The following SPTAN1 variants were observed in gnomAD, a reference collection of about 807,000 sequenced individuals.
SPTAN1 encodes the protein spectrin alpha chain, non-erythrocytic 1.
In SPTAN1, 61 loss-of-function variants were observed where a neutral mutation model predicts 331.3. The ratio of observed to expected loss-of-function variants is 0.18; its 90% CI spans 0.15 to 0.23. The LOEUF (loss-of-function observed/expected upper bound fraction) is 0.23, where lower values mean the gene tolerates loss of function less well. Among genes scored for constraint, SPTAN1 ranks in the 10% least tolerant of loss-of-function variants. The probability of loss-of-function intolerance (pLI) is 1.00; values close to 1 mark genes in which losing one functional copy is unlikely to be tolerated. For missense variants in SPTAN1, 2,043 were observed against 3,147.9 expected, an observed-to-expected ratio of 0.65 and a Z score of 8.40; for synonymous variants, 1,153 against 1,173.9, an observed-to-expected ratio of 0.98 and a Z score of 0.36.
chr9:128,624,840 G>A (rs962129553), intron 46 of SPTAN1: 89 of 579,862 alleles, frequency 1.5e-4, no homozygotes, highest in Non-Finnish European at 2.5e-4. Flanking sequence ...GGAAAACTGG[G>A]TCCGGATATC....
At position 128,559,787 on chromosome 9, in the gene SPTAN1, T is replaced by C. The variant is rs568586720; in HGVS notation, c.-3-6951T>C. ...TGCTTTTTCGTCGCCCAGGCTAGAG[T>C]GCAGTGGTGCGATCTTGGCTCACTG... On this transcript the variant is annotated intron_variant, in intron 1 of 56. Coordinates refer to ENST00000372739, the MANE Select transcript of SPTAN1 (RefSeq NM_001130438.3). 2.6e-4 allele frequency among the ~76,000 whole-genome samples: 40 copies of C among 151,906 alleles called. No individual in the cohort carries two copies. In the East Asian group the frequency reaches 7.7e-3, roughly 29 times the overall value.
chr9:128,624,296 C>CTG (rs1858403840), intron 45 of SPTAN1, 32 bp from the exon 46 acceptor site: 2 of 1,613,166 alleles, frequency 1.2e-6, no homozygotes, highest in Admixed American at 3.3e-5. Context: ...GCAGGTAAGG[C>CTG]TGACCAGTGT....
At chr9:128,558,787 C>A (rs1162522757) in intron 1 of SPTAN1, among the ~76,000 whole-genome samples, 1 of 152,154 alleles carries the variant, frequency 6.6e-6, no homozygotes, top group Non-Finnish European at 1.5e-5. Flanking sequence ...GTGGCACGCC[C>A]AGGCCGAGCT....
intron 56 of SPTAN1, 26 bp from the exon 57 acceptor site, chr9:128,633,183 A>G (rs1860101771): frequency 6.2e-7 from 1 of 1,613,678 alleles, no homozygotes; most frequent in Non-Finnish European, 8.5e-7. Context: ...TGGCTCAGGC[A>G]CCAGGTGCCA....
At chr9:128,571,708 A>G (rs961206840) in intron 3 of SPTAN1, among the ~76,000 whole-genome samples, 1 of 152,222 alleles carries the variant, frequency 6.6e-6, no homozygotes, top group Non-Finnish European at 1.5e-5. Context: ...TAAGTGTGCA[A>G]GGTGGCCATT....
At chr9:128,589,569 C>A (rs1383351405) in intron 21 of SPTAN1, among the ~76,000 whole-genome samples, 1 of 107,572 alleles carries the variant, frequency 9.3e-6, no homozygotes, top group Admixed American at 1.2e-4. Context: ...AGCCGCCGTG[C>A]CCGGCCTTTT....
Position 128,600,097 on chromosome 9 carries a change from G to T in SPTAN1, c.3561G>T (p.Lys1187Asn), listed in dbSNP as rs950316530. The T allele has an allele frequency of 6.2e-7, 1 of 1,614,082 alleles. No individual in the cohort carries two copies. Among genetic ancestry groups the T allele is most frequent in the East Asian group, 2.2e-5 (1 of 44,898 alleles). ...GMMPRDETDS[K>N]TASPWKSARL... is the part of the protein sequence containing the mutation. ...TTGAATAGGATGAAACTGATTCCAA[G>T]ACAGCCTCCCCGTGGAAGGTAAGAA... The change falls in exon 27 of 57, where the codon AAG (lysine) becomes AAT (asparagine). Residue 1187 changes from lysine (K) to asparagine (N), a missense_variant. By Grantham distance (94) the Lys-to-Asn change is moderately conservative (BLOSUM62 0). Around this residue, in one of 12 missense-constraint regions of SPTAN1, gnomAD observed 1,038 missense variants for 1,531.5 expected, o/e 0.68. Transcript: ENST00000372739.
Position 128,633,633 on chromosome 9 carries a change from A to G in SPTAN1, c.*299A>G, listed in dbSNP as rs184532140. On this transcript the variant is annotated 3_prime_UTR_variant, in exon 57 of 57. Coordinates refer to ENST00000372739, the MANE Select transcript of SPTAN1 (RefSeq NM_001130438.3). ...CCTCCCCCAAATCTGTTTTCATGTAAAAGACAAATAAATGATGACTTCCCC... is the reference window on the plus strand; with the variant it reads ...CCTCCCCCAAATCTGTTTTCATGTAGAAGACAAATAAATGATGACTTCCCC... The G allele has an allele frequency of 7.5e-7, 1 of 1,340,606 alleles. No homozygotes were observed. Among genetic ancestry groups the G allele is most frequent in the East Asian group, 2.3e-5 (1 of 43,342 alleles). 83.0% of individuals were successfully genotyped at this position (1,340,606 alleles called of 1,614,324 possible). A position where few individuals can be genotyped will look rare whatever the true frequency, so the allele number is the denominator to read the frequency against.
At chr9:128,612,644 G>A (rs1195710646) in intron 39 of SPTAN1, among the ~76,000 whole-genome samples, 1 of 152,216 alleles carries the variant, frequency 6.6e-6, no homozygotes, top group Non-Finnish European at 1.5e-5. Context: ...TAGAGGTTTT[G>A]GCCAGGTGCA....
intron 25 of SPTAN1, 170 bp from the exon 26 acceptor site, chr9:128,598,793 A>G (rs1292361559): frequency 1.5e-6 from 1 of 682,914 alleles, no homozygotes; most frequent in African/African-American, 1.8e-5. Flanking sequence ...AAGTTCCTCA[A>G]AGAAAAAGTT....
chr9:128,626,334 C>T (rs1858736105), intron 48 of SPTAN1, 57 bp from the exon 49 acceptor site: 1 of 1,602,248 alleles, frequency 6.2e-7, no homozygotes. Context: ...ACCTCCTGCA[C>T]TGCGTCGGCA....
intron 1 of SPTAN1, among the ~76,000 whole-genome samples, chr9:128,565,303 C>CA (rs1849890311): frequency 1.3e-5 from 2 of 150,832 alleles, no homozygotes; most frequent in Non-Finnish European, 3.0e-5. Context: ...CCGTCTCAAA[C>CA]AAAAAACAAA....
chr9:128,613,652 G>T (rs1369581317), intron 40 of SPTAN1, among the ~76,000 whole-genome samples, 167 bp downstream of exon 40: 3 of 152,196 alleles, frequency 2.0e-5, no homozygotes, highest in African/African-American at 7.2e-5. Context: ...GTTATTGAGG[G>T]CTCTTGAGAG....
At chr9:128,584,975 T>A in intron 18 of SPTAN1, 132 bp downstream of exon 18, 1 of 1,106,518 alleles carries the variant, frequency 9.0e-7, no homozygotes, top group Non-Finnish European at 1.4e-6. Context: ...TTCCTAACTG[T>A]ATGACCTGAC....
Position 128,582,751 on chromosome 9 carries a change from G to A in SPTAN1, c.1708G>A (p.Ala570Thr), listed in dbSNP as rs2131129868. Residue 570 changes from alanine to threonine, a missense_variant, in exon 14 of 57, where the codon GCC becomes ACC. By Grantham distance (58) the Ala-to-Thr change is moderately conservative (BLOSUM62 0). Transcript: ENST00000372739. ...ERAMRRRAQLADSFHLQQFFR... is the reference protein window; with the variant it reads ...ERAMRRRAQLTDSFHLQQFFR... ...AGCCATGCGTCGCCGGGCCCAGCTA[G>A]CCGATTCTTTCCATCTGCAGCAGTT... is the stretch of plus-strand genomic sequence containing the variant. 6.2e-7 allele frequency: 1 copy of A among 1,614,050 alleles called. No individual in the cohort carries two copies. Among genetic ancestry groups the A allele is most frequent in the Non-Finnish European group, 8.5e-7 (1 of 1,180,030 alleles).
At chr9:128,561,304 G>A (rs533650456) in intron 1 of SPTAN1, among the ~76,000 whole-genome samples, 5 of 149,120 alleles carry the variant, frequency 3.4e-5, no homozygotes, top group Non-Finnish European at 5.9e-5. Flanking sequence ...CCCTGGAGGC[G>A]GAGGTTGCAG....
chr9:128,585,614 GGAAT>G (rs1201848696), intron 18 of SPTAN1, 130 bp from the exon 19 acceptor site: 2 of 781,178 alleles, frequency 2.6e-6, no homozygotes, highest in African/African-American at 3.4e-5. Flanking sequence ...CAAAAAAAAT[GGAAT>G]TATGAAAGGG....
At chr9:128,620,453 A>G (rs974275312) in intron 44 of SPTAN1, among the ~76,000 whole-genome samples, 1 of 152,204 alleles carries the variant, frequency 6.6e-6, no homozygotes, top group African/African-American at 2.4e-5. Context: ...GCGGTGGCTC[A>G]CACCTGTAAT....
chr9:128,613,390 C>T lies in SPTAN1; in HGVS notation c.5053C>T (p.Leu1685=), dbSNP rs748942344. 6.2e-7 allele frequency: 1 copy of T among 1,614,134 alleles called. No homozygotes were observed. Among genetic ancestry groups the T allele is most frequent in the South Asian group, 1.1e-5 (1 of 91,092 alleles). ...GTGTTTTCATTGCCAGGTGGAGGCC[C>T]TGCTGGCATCCGAAGATTATGGCAA... ...FDFWLSEVEA[L]LASEDYGKDL... The change falls in exon 40 of 57, where the codon CTG becomes TTG. Residue 1685 remains leucine (L), a synonymous_variant. Coordinates refer to ENST00000372739, the MANE Select transcript of SPTAN1 (RefSeq NM_001130438.3).
Sources: allele counts gnomAD v4.1 joint callset (sites outside exome capture counted in the v4.1 genomes callset), GRCh38; gene constraint gnomAD v4.1.1; regional missense constraint gnomAD v4.1.1; transcripts MANE v1.5; gene names NCBI Gene and HGNC (gene_info 2026-07-23, HGNC 2026-07-21).